The following ERBB4 variants were observed in gnomAD, a reference collection of about 807,000 sequenced individuals.
The protein encoded by ERBB4 is receptor tyrosine-protein kinase erbB-4.
Under a neutral mutation model 158.0 loss-of-function variants are expected in ERBB4, and 42 were observed. The observed-to-expected ratio is 0.27, with a 90% confidence interval of 0.21 to 0.34. The LOEUF is 0.34. ERBB4 is among the 10% of genes least tolerant of loss of function. The pLI is 1.00. For synonymous variants in ERBB4, 583 were observed against 558.7 expected, an observed-to-expected ratio of 1.04 and a Z score of -0.61; for missense variants, 1,333 against 1,624.1, an observed-to-expected ratio of 0.82 and a Z score of 3.08.
In ERBB4 at chr2:211,712,085, A is replaced by G; in HGVS notation, c.1089T>C (p.Asn363=). ...IDKFINCTKI[N]GNLIFLVTGI... ...CAGTGACTAGAAAGATCAAATTCCC[A>G]TTGATCTTGGTACAGTTTATGAATT... Residue 363 remains asparagine (N), a synonymous_variant, in exon 9 of 28, where the codon AAT becomes AAC. Transcript: ENST00000342788. The G allele has an allele frequency of 6.2e-7, 1 of 1,609,968 alleles. No homozygotes were observed. The highest frequency in any genetic ancestry group is 8.5e-7 in the Non-Finnish European group (1 of 1,176,256).
chr2:211,691,588 G>A (rs1310456432), intron 12 of ERBB4, among the ~76,000 whole-genome samples: 1 of 146,368 alleles, frequency 6.8e-6, no homozygotes, highest in Non-Finnish European at 1.5e-5. Flanking sequence ...GTGTGTGTGT[G>A]TGTGTGTGTG....
chr2:212,167,942 T>C (rs2081397938), intron 1 of ERBB4, among the ~76,000 whole-genome samples: 1 of 151,508 alleles, frequency 6.6e-6, no homozygotes, highest in African/African-American at 2.4e-5. Flanking sequence ...CCTGTTGGGG[T>C]GTGGGGAATG....
chr2:211,700,170 T>C (rs6435659), intron 12 of ERBB4, among the ~76,000 whole-genome samples: 66,663 of 151,930 alleles, frequency 0.44, 14,992 homozygotes, highest in South Asian at 0.49. Context: ...CATTCATCAA[T>C]TGGTATTGAA....
intron 3 of ERBB4, among the ~76,000 whole-genome samples, chr2:211,919,458 T>C (rs2079798545): frequency 6.6e-6 from 1 of 151,992 alleles, no homozygotes; most frequent in Non-Finnish European, 1.5e-5. Context: ...ACAAAAATAG[T>C]AGTAGTCACT....
At chr2:211,617,410 C>T (rs924792108) in intron 19 of ERBB4, among the ~76,000 whole-genome samples, 2 of 152,086 alleles carry the variant, frequency 1.3e-5, no homozygotes, top group Non-Finnish European at 2.9e-5. Context: ...CTGAAAAAGG[C>T]TTCAGTTTTA....
Position 211,722,379 on chromosome 2 carries a change from A to G in ERBB4, c.883+14T>C, listed in dbSNP as rs1327223581. On this transcript the variant is annotated intron_variant, in intron 7 of 27. Coordinates refer to ENST00000342788, the MANE Select transcript of ERBB4 (RefSeq NM_005235.3). ...TGACCTAATTAATTTGGTTATTCTT[A>G]TTCTGTTACTTACGTGGACATTTCT... 4 of 1,605,728 alleles carry G rather than the reference A, an allele frequency of 2.5e-6. No homozygotes were observed. The highest frequency in any genetic ancestry group is 2.6e-6 in the Non-Finnish European group (3 of 1,172,450).
intron 3 of ERBB4, among the ~76,000 whole-genome samples, chr2:211,931,152 C>T (rs542908545): frequency 6.6e-6 from 1 of 152,152 alleles, no homozygotes; most frequent in African/African-American, 2.4e-5. Context: ...GTTGTGTTGC[C>T]CAGTTCACTT....
chr2:212,317,747 G>A (rs960847404), intron 1 of ERBB4, among the ~76,000 whole-genome samples: 1 of 151,408 alleles, frequency 6.6e-6, no homozygotes, highest in African/African-American at 2.4e-5. Context: ...AAAGCATACA[G>A]ATATAAAGTG....
chr2:211,637,707 C>T (rs1189470396), intron 16 of ERBB4, among the ~76,000 whole-genome samples: 1 of 151,794 alleles, frequency 6.6e-6, no homozygotes, highest in African/African-American at 2.4e-5. Flanking sequence ...TATAGTTTCA[C>T]AATAACGATG....
chr2:211,648,809 C>G (rs2070874912), intron 16 of ERBB4, among the ~76,000 whole-genome samples: 2 of 151,848 alleles, frequency 1.3e-5, no homozygotes, highest in African/African-American at 4.8e-5. Flanking sequence ...AAGTCCAGCA[C>G]TATATTGTCT....
intron 2 of ERBB4, among the ~76,000 whole-genome samples, chr2:212,100,214 T>C (rs2079045194): frequency 6.6e-6 from 1 of 152,178 alleles, no homozygotes; most frequent in Admixed American, 6.6e-5. Flanking sequence ...CAATGGACCT[T>C]ATCCTGGCCT....
At chr2:212,527,611 C>G (rs536870199) in intron 1 of ERBB4, among the ~76,000 whole-genome samples, 2 of 152,162 alleles carry the variant, frequency 1.3e-5, no homozygotes, top group South Asian at 4.2e-4. Context: ...TCACAAGACC[C>G]TGTACTTAAT....
chr2:211,973,050 A>T (rs1490902704), intron 2 of ERBB4, among the ~76,000 whole-genome samples: 2 of 152,176 alleles, frequency 1.3e-5, no homozygotes, highest in Non-Finnish European at 2.9e-5. Context: ...CAGTATCTAT[A>T]AGGAACATAA....
intron 1 of ERBB4, among the ~76,000 whole-genome samples, chr2:212,201,143 A>T (rs779921857): frequency 3.9e-5 from 6 of 152,168 alleles, no homozygotes; most frequent in Non-Finnish European, 2.9e-5. Context: ...TTAATTATGC[A>T]AGTTTTCCTT....
At chr2:211,563,952 T>C (rs2067479083) in intron 19 of ERBB4, among the ~76,000 whole-genome samples, 1 of 152,220 alleles carries the variant, frequency 6.6e-6, no homozygotes, top group Non-Finnish European at 1.5e-5. Flanking sequence ...TCTATAACTT[T>C]GAAACATTTC....
chr2:211,936,475 G>C (rs1421136332), intron 3 of ERBB4, among the ~76,000 whole-genome samples: 1 of 151,790 alleles, frequency 6.6e-6, no homozygotes, highest in African/African-American at 2.4e-5. Context: ...TAGTCATTAT[G>C]ATTCGATAAC....
At chr2:211,453,589 CTAA>C (rs1289116950) in intron 20 of ERBB4, among the ~76,000 whole-genome samples, 1 of 152,156 alleles carries the variant, frequency 6.6e-6, no homozygotes, top group Non-Finnish European at 1.5e-5. Flanking sequence ...ATGAAAATCT[CTAA>C]TGTTTTCTTA....
chr2:211,617,456 C>G (rs532729845), intron 19 of ERBB4, among the ~76,000 whole-genome samples: 1 of 152,020 alleles, frequency 6.6e-6, no homozygotes, highest in African/African-American at 2.4e-5. Flanking sequence ...GTAGCAGTGG[C>G]GTGTCAGAAA....
intron 3 of ERBB4, among the ~76,000 whole-genome samples, chr2:211,917,341 G>A (rs940998556): frequency 3.9e-5 from 6 of 151,932 alleles, no homozygotes; most frequent in African/African-American, 9.7e-5. Flanking sequence ...GTATTTTCCC[G>A]GCTCTTAGGG....
Sources: allele counts gnomAD v4.1 joint callset (sites outside exome capture counted in the v4.1 genomes callset), GRCh38; gene constraint gnomAD v4.1.1; transcripts MANE v1.5; gene names NCBI Gene and HGNC (gene_info 2026-07-23, HGNC 2026-07-21).